PALM2AKAP2: variants seen among roughly 807,000 people sequenced by gnomAD.
PALM2AKAP2 encodes the protein PALM2 and AKAP2 fusion.
Under a neutral mutation model 71.5 loss-of-function variants are expected in PALM2AKAP2, and 37 were observed. That is an observed-to-expected ratio of 0.52 (90% CI 0.40 to 0.68). The LOEUF is 0.68. Ranked by LOEUF, PALM2AKAP2 falls within the 30% of genes least tolerant of loss-of-function variation. The pLI is 0.00. For missense variants in PALM2AKAP2, 1,224 were observed against 1,191.8 expected (o/e 1.03, Z -0.40); for synonymous variants, 468 against 478.8 (o/e 0.98, Z 0.29).
chr9:110,016,618 A>G (rs1432487456), intron 7 of PALM2AKAP2, among the ~76,000 whole-genome samples: 2 of 152,182 alleles, frequency 1.3e-5, no homozygotes, highest in Non-Finnish European at 2.9e-5. Flanking sequence ...AAATGCATCA[A>G]TTTGTAAGCA....
At chr9:109,811,225 G>A (rs1587928201) in intron 1 of PALM2AKAP2, among the ~76,000 whole-genome samples, 1 of 152,174 alleles carries the variant, frequency 6.6e-6, no homozygotes, top group African/African-American at 2.4e-5. Flanking sequence ...GGTAGGCAAA[G>A]TATTGGATTT....
chr9:109,822,446 G>C (rs977876366), intron 1 of PALM2AKAP2, among the ~76,000 whole-genome samples: 1 of 152,098 alleles, frequency 6.6e-6, no homozygotes, highest in Non-Finnish European at 1.5e-5. Context: ...CATGTCACGG[G>C]GGGTTGGTGT....
chr9:109,732,066 C>G (rs1828564471), intron 1 of PALM2AKAP2, among the ~76,000 whole-genome samples: 1 of 152,216 alleles, frequency 6.6e-6, no homozygotes, highest in Non-Finnish European at 1.5e-5. Flanking sequence ...GACAATGAGA[C>G]AGGAAGACCC....
At chr9:109,665,012 G>A (rs1017218199) in intron 1 of PALM2AKAP2, among the ~76,000 whole-genome samples, 4 of 152,024 alleles carry the variant, frequency 2.6e-5, no homozygotes, top group Non-Finnish European at 4.4e-5. Flanking sequence ...CAAAGTTCTC[G>A]TGCCAAGGTT....
At chr9:109,822,665 C>G (rs1417450141) in intron 1 of PALM2AKAP2, among the ~76,000 whole-genome samples, 2 of 152,168 alleles carry the variant, frequency 1.3e-5, no homozygotes, top group African/African-American at 4.8e-5. Flanking sequence ...CTTAGGACAA[C>G]AGCCTCCAGC....
At chr9:110,061,092 A>G (rs1334889555) in intron 1 of PALM2AKAP2, among the ~76,000 whole-genome samples, 5 of 152,150 alleles carry the variant, frequency 3.3e-5, no homozygotes, top group African/African-American at 4.8e-5. Flanking sequence ...GAACTCCACA[A>G]GGGTCCTCTT....
chr9:110,152,672 C>T (rs769274091), intron 2 of PALM2AKAP2, among the ~76,000 whole-genome samples: 14 of 152,210 alleles, frequency 9.2e-5, no homozygotes, highest in East Asian at 3.8e-4. Flanking sequence ...GAAGAGCATC[C>T]GGAGTGCTGT....
intron 1 of PALM2AKAP2, among the ~76,000 whole-genome samples, chr9:109,760,023 C>T (rs1390423826): frequency 6.6e-6 from 1 of 152,150 alleles, no homozygotes; most frequent in Admixed American, 6.6e-5. Flanking sequence ...TCCGTCACCA[C>T]AGTGTTCTCT....
chr9:109,748,381 G>T (rs531579495), intron 1 of PALM2AKAP2, among the ~76,000 whole-genome samples: 84 of 152,222 alleles, frequency 5.5e-4, no homozygotes, highest in Middle Eastern at 3.4e-3. Flanking sequence ...CACTACAGGG[G>T]TTCCCAAGAC....
chr9:110,108,118 C>CT (rs371354620), intron 1 of PALM2AKAP2, among the ~76,000 whole-genome samples: 10,356 of 111,074 alleles, frequency 0.093, 547 homozygotes, highest in Non-Finnish European at 0.13. Context: ...TTCTTTTTTT[C>CT]TTTTTTTTTT....
intron 2 of PALM2AKAP2, among the ~76,000 whole-genome samples, chr9:110,155,842 T>G (rs1438684651): frequency 6.6e-6 from 1 of 152,212 alleles, no homozygotes; most frequent in Admixed American, 6.5e-5. Context: ...CTATAGAGGA[T>G]AGACCCTGGT....
At chr9:109,824,885 C>T (rs569717620) in intron 1 of PALM2AKAP2, among the ~76,000 whole-genome samples, 8 of 152,232 alleles carry the variant, frequency 5.3e-5, no homozygotes, top group South Asian at 2.1e-4. Context: ...TTGCTGTTAA[C>T]GATGTCATGT....
chr9:110,144,040 A>C (rs932451449), intron 2 of PALM2AKAP2, among the ~76,000 whole-genome samples: 1 of 152,252 alleles, frequency 6.6e-6, no homozygotes, highest in African/African-American at 2.4e-5. Context: ...AAATATCACA[A>C]AGGAAAGTCT....
chr9:110,040,740 A>G (rs1168197475), intron 7 of PALM2AKAP2, among the ~76,000 whole-genome samples: 4 of 152,256 alleles, frequency 2.6e-5, no homozygotes, highest in Admixed American at 2.6e-4. Context: ...ACTGGAAAAG[A>G]AAAATACATT....
chr9:110,034,997 A>G (rs1170873979), intron 7 of PALM2AKAP2, among the ~76,000 whole-genome samples: 1 of 151,848 alleles, frequency 6.6e-6, no homozygotes, highest in African/African-American at 2.4e-5. Context: ...AATGGGAGAG[A>G]AAAATGAAAG....
chr9:109,984,835 G>C (rs1438098524), intron 6 of PALM2AKAP2, among the ~76,000 whole-genome samples: 2 of 151,722 alleles, frequency 1.3e-5, no homozygotes. Flanking sequence ...TCGTGCCACT[G>C]CCACTCCAGC....
At chr9:109,738,199 T>G (rs1828665981) in intron 1 of PALM2AKAP2, among the ~76,000 whole-genome samples, 1 of 152,258 alleles carries the variant, frequency 6.6e-6, no homozygotes, top group South Asian at 2.1e-4. Context: ...ACTATTCCTC[T>G]ATTAAAGATA....
intron 1 of PALM2AKAP2, among the ~76,000 whole-genome samples, chr9:109,757,788 A>G (rs933799762): frequency 2.0e-5 from 3 of 152,106 alleles, no homozygotes; most frequent in Non-Finnish European, 4.4e-5. Flanking sequence ...GTCTATGGTC[A>G]TAAGACTTAG....
chr9:110,139,517 A>G (rs552821279), intron 2 of PALM2AKAP2, among the ~76,000 whole-genome samples: 3 of 152,200 alleles, frequency 2.0e-5, no homozygotes, highest in Non-Finnish European at 4.4e-5. Context: ...TGTATTTTAC[A>G]AAACTATTGC....
Sources: allele counts gnomAD v4.1 joint callset (sites outside exome capture counted in the v4.1 genomes callset), GRCh38; gene constraint gnomAD v4.1.1; transcripts MANE v1.5; gene names NCBI Gene and HGNC (gene_info 2026-07-23, HGNC 2026-07-21).